BABAM2: variants seen among roughly 807,000 people sequenced by gnomAD.
BABAM2 encodes BRISC and BRCA1 A complex member 2.
A neutral mutation model predicts 54.7 loss-of-function variants in BABAM2; 31 were observed. The observed-to-expected ratio is 0.57, with a 90% CI of 0.43 to 0.77. BABAM2 has a LOEUF of 0.77. Among genes scored for constraint, BABAM2 ranks in the 30% least tolerant of loss-of-function variants. The probability of loss-of-function intolerance (pLI) is 0.00; values close to 1 mark genes in which losing one functional copy is unlikely to be tolerated. For synonymous variants in BABAM2, 167 were observed against 162.9 expected (o/e 1.03, Z -0.19); for missense variants, 364 against 455.8 (o/e 0.80, Z 1.83).
chr2:28,123,080 C>T (rs1232604277), intron 6 of BABAM2, among the ~76,000 whole-genome samples: 1 of 152,156 alleles, frequency 6.6e-6, no homozygotes, highest in Non-Finnish European at 1.5e-5. Flanking sequence ...AGTTCAGTGG[C>T]TTATTTCATT....
chr2:27,998,473 G>T (rs1052491348), intron 4 of BABAM2, among the ~76,000 whole-genome samples: 4 of 147,940 alleles, frequency 2.7e-5, no homozygotes, highest in Non-Finnish European at 4.5e-5. Flanking sequence ...ACATTTTTCA[G>T]TTTTTTTTTT....
rs1246434925 is a variant in BABAM2, at chr2:28,237,205, A to C, written c.684A>C (p.Ala228=). The stretch of plus-strand genomic sequence containing the variant: ...CATTGTACTCTTGTCCTTTCAGTGC[A>C]CTTGGAGGCTCCTCAGCTCTTCATA... ...KLYLSPRIEH[A]LGGSSALHIP... The change falls in exon 8 of 12, where the codon GCA becomes GCC. Residue 228 remains alanine (A), a synonymous_variant. Transcript: ENST00000379624. 1 of 1,613,168 alleles carries C rather than the reference A, an allele frequency of 6.2e-7. No individual in the cohort carries two copies.
intron 2 of BABAM2, among the ~76,000 whole-genome samples, chr2:27,921,765 T>C (rs1347102975): frequency 1.3e-5 from 2 of 152,342 alleles, no homozygotes; most frequent in African/African-American, 4.8e-5. Context: ...ATTGTGGAAA[T>C]ATAATAATTA....
intron 3 of BABAM2, among the ~76,000 whole-genome samples, chr2:27,931,855 C>G (rs1357467802): frequency 6.6e-6 from 1 of 152,132 alleles, no homozygotes; most frequent in Non-Finnish European, 1.5e-5. Context: ...GCCCTTCCTT[C>G]AATTCCTCTT....
intron 2 of BABAM2, among the ~76,000 whole-genome samples, chr2:27,898,770 G>A (rs1039241303): frequency 6.6e-6 from 1 of 152,104 alleles, no homozygotes; most frequent in Admixed American, 6.5e-5. Flanking sequence ...AAATTAGTGG[G>A]TGCCAGAGGC....
chr2:27,893,350 C>G (rs1038096719), intron 1 of BABAM2, among the ~76,000 whole-genome samples: 4 of 152,268 alleles, frequency 2.6e-5, no homozygotes, highest in Non-Finnish European at 4.4e-5. Flanking sequence ...GCCTTAAAGT[C>G]AAATACCTTA....
intron 3 of BABAM2, among the ~76,000 whole-genome samples, chr2:27,938,887 A>G (rs1467136402): frequency 1.3e-5 from 2 of 152,112 alleles, no homozygotes; most frequent in Non-Finnish European, 2.9e-5. Context: ...TATATAAACA[A>G]TTTTTTAAAT....
At chr2:28,312,307 T>C (rs1689157436) in intron 11 of BABAM2, among the ~76,000 whole-genome samples, 2 of 152,212 alleles carry the variant, frequency 1.3e-5, no homozygotes, top group South Asian at 4.1e-4. Flanking sequence ...ATGAACTAGA[T>C]TCATGCCTTA....
At chr2:28,318,908 G>A (rs554355115) in intron 11 of BABAM2, among the ~76,000 whole-genome samples, 86 of 152,306 alleles carry the variant, frequency 5.6e-4, no homozygotes, top group African/African-American at 2.0e-3. Context: ...ATGCTGTCCT[G>A]GAGAACCTGT....
intron 2 of BABAM2, among the ~76,000 whole-genome samples, chr2:27,920,378 C>A (rs754219658): frequency 6.6e-6 from 1 of 152,052 alleles, no homozygotes; most frequent in Non-Finnish European, 1.5e-5. Context: ...GTTAAGATAC[C>A]CTTTGTCAGT....
At chr2:28,276,953 C>G (rs1685930132) in intron 10 of BABAM2, among the ~76,000 whole-genome samples, 2 of 152,144 alleles carry the variant, frequency 1.3e-5, no homozygotes, top group South Asian at 4.1e-4. Context: ...AGCCCATGTT[C>G]TCTGTGCAGG....
intron 5 of BABAM2, among the ~76,000 whole-genome samples, chr2:28,036,257 T>A (rs1676651498): frequency 6.6e-6 from 1 of 152,158 alleles, no homozygotes; most frequent in African/African-American, 2.4e-5. Flanking sequence ...ACAAAAAGAA[T>A]CCTACATTTC....
intron 7 of BABAM2, among the ~76,000 whole-genome samples, chr2:28,187,784 T>A (rs2147908107): frequency 6.7e-6 from 1 of 148,600 alleles, no homozygotes; most frequent in Middle Eastern, 3.5e-3. Flanking sequence ...TTATCCTGCC[T>A]CAGCTGCCCA....
intron 6 of BABAM2, among the ~76,000 whole-genome samples, chr2:28,063,301 A>G (rs1679054404): frequency 6.6e-6 from 1 of 152,260 alleles, no homozygotes; most frequent in African/African-American, 2.4e-5. Flanking sequence ...TGCAAGCCGC[A>G]TATGCAACTT....
intron 4 of BABAM2, among the ~76,000 whole-genome samples, chr2:28,009,279 A>G (rs534997139): frequency 1.3e-5 from 2 of 152,222 alleles, no homozygotes; most frequent in Admixed American, 1.3e-4. Flanking sequence ...AGATGCTTCC[A>G]CAGTTATTCT....
intron 6 of BABAM2, among the ~76,000 whole-genome samples, chr2:28,126,196 G>C (rs891830959): frequency 3.5e-4 from 53 of 151,608 alleles, no homozygotes; most frequent in African/African-American, 1.3e-3. Flanking sequence ...ACAATGTGCA[G>C]GTTAGTTACA....
chr2:27,975,044 A>C (rs967654700), intron 3 of BABAM2, among the ~76,000 whole-genome samples: 1 of 152,086 alleles, frequency 6.6e-6, no homozygotes, highest in African/African-American at 2.4e-5. Context: ...TTCAGTATCT[A>C]TATGTAGATA....
At chr2:28,147,822 G>A (rs1409005848) in intron 7 of BABAM2, among the ~76,000 whole-genome samples, 1 of 152,140 alleles carries the variant, frequency 6.6e-6, no homozygotes, top group African/African-American at 2.4e-5. Flanking sequence ...CAACGTGGAT[G>A]TTGTACTCAT....
At chr2:28,113,863 A>G (rs1668357485) in intron 6 of BABAM2, among the ~76,000 whole-genome samples, 1 of 152,124 alleles carries the variant, frequency 6.6e-6, no homozygotes, top group South Asian at 2.1e-4. Context: ...GATCCTTCAC[A>G]TCCCTTGTAA....
Sources: allele counts gnomAD v4.1 joint callset (sites outside exome capture counted in the v4.1 genomes callset), GRCh38; gene constraint gnomAD v4.1.1; transcripts MANE v1.5; gene names NCBI Gene and HGNC (gene_info 2026-07-23, HGNC 2026-07-21).